LAMC1: variants seen among roughly 807,000 people sequenced by gnomAD.
The protein encoded by LAMC1 is laminin subunit gamma 1, also known as laminin subunit gamma-1.
In LAMC1, 38 loss-of-function variants were observed where a neutral mutation model predicts 173.6. The observed-to-expected ratio is 0.22, with a 90% CI of 0.17 to 0.29. LAMC1 has a LOEUF of 0.29. LAMC1 is among the 10% of genes least tolerant of loss of function. LAMC1 has a pLI of 1.00. For missense variants in LAMC1, 1,824 were observed against 2,051.8 expected, an observed-to-expected ratio of 0.89 and a Z score of 2.14; for synonymous variants, 746 against 749.1, an observed-to-expected ratio of 1.00 and a Z score of 0.07.
chr1:183,127,522 A>G, intron 17 of LAMC1, 118 bp downstream of exon 17: 3 of 846,964 alleles, frequency 3.5e-6, no homozygotes, highest in Non-Finnish European at 5.5e-6. Flanking sequence ...CTGTTCTTAA[A>G]GACTTATGTT....
chr1:183,121,645 C>A, intron 11 of LAMC1, 78 bp from the exon 12 acceptor site: 1 of 1,304,038 alleles, frequency 7.7e-7, no homozygotes, highest in Non-Finnish European at 1.0e-6. Flanking sequence ...GGTCTAGTTA[C>A]TTTTTAGTGT....
chr1:183,114,957 C>T (rs1280658642), intron 5 of LAMC1, among the ~76,000 whole-genome samples: 1 of 152,130 alleles, frequency 6.6e-6, no homozygotes, highest in Non-Finnish European at 1.5e-5. Flanking sequence ...AATGGTTCTG[C>T]AAATAATTAG....
chr1:183,026,022 T>C (rs905968385), intron 1 of LAMC1, among the ~76,000 whole-genome samples: 8 of 152,222 alleles, frequency 5.3e-5, no homozygotes, highest in African/African-American at 1.4e-4. Context: ...GAGGCAGATA[T>C]GTTAACTTTG....
chr1:183,058,089 T>A lies in LAMC1; in HGVS notation c.418+33955T>A, dbSNP rs370021725. Among the ~76,000 whole-genome samples the A allele has an allele frequency of 2.6e-5, 4 of 152,306 alleles. No individual in the cohort carries two copies. In the South Asian group the frequency reaches 8.3e-4, roughly 32 times the overall value. On this transcript the variant is annotated intron_variant, in intron 1 of 27. Transcript: ENST00000258341. ...CTAAAAAGAGGTTCTCTTTCATATT[T>A]ATTTTTTGTCTATGATGTAGTTTTC... is the stretch of plus-strand genomic sequence containing the variant.
intron 4 of LAMC1, among the ~76,000 whole-genome samples, chr1:183,112,597 C>T (rs982481311): frequency 6.6e-6 from 1 of 152,050 alleles, no homozygotes; most frequent in South Asian, 2.1e-4. Context: ...TACCTTCTCT[C>T]AAGGAGGGAG....
At position 183,110,526 on chromosome 1, in the gene LAMC1, A is replaced by G. The variant is rs147529221; in HGVS notation, c.893A>G (p.Asn298Ser). 9.9e-6 allele frequency: 16 copies of G among 1,613,726 alleles called. 1 individual carries two copies. In the African/African-American group the frequency reaches 1.2e-4, roughly 12 times the overall value. The change falls in exon 4 of 28, where the codon AAC (asparagine) becomes AGC (serine). Residue 298 changes from asparagine to serine, a missense_variant. Asn to Ser is a conservative substitution (Grantham distance 46). Coordinates refer to ENST00000258341, the MANE Select transcript of LAMC1 (RefSeq NM_002293.4). ...GGACACGCAAGCGAGTGTATGAAGA[A>G]CGAATTTGATAAGCTGGTGTGTAAT... ...CNGHASECMK[N>S]EFDKLVCNCK...
intron 1 of LAMC1, among the ~76,000 whole-genome samples, chr1:183,027,854 G>C (rs1653730782): frequency 6.6e-6 from 1 of 152,158 alleles, no homozygotes; most frequent in African/African-American, 2.4e-5. Context: ...GGTGGGTTCT[G>C]ACTATGTCAG....
At chr1:183,083,619 T>C (rs1571429321) in intron 1 of LAMC1, among the ~76,000 whole-genome samples, 2 of 152,240 alleles carry the variant, frequency 1.3e-5, no homozygotes, top group East Asian at 3.8e-4. Context: ...TTTAGAAGTT[T>C]TTTAAAAAGG....
intron 16 of LAMC1, among the ~76,000 whole-genome samples, chr1:183,126,720 C>T (rs375795724): frequency 7.2e-5 from 11 of 152,256 alleles, no homozygotes; most frequent in African/African-American, 2.7e-4. Context: ...GGCATAAACA[C>T]TTGCCTGGAA....
rs1395821472 is a variant in LAMC1 at position 183,023,972 on chromosome 1, A to G, written c.256A>G (p.Thr86Ala). 1 of 1,613,244 alleles carries G rather than the reference A, an allele frequency of 6.2e-7. No individual in the cohort carries two copies. Among genetic ancestry groups the G allele is most frequent in the Non-Finnish European group, 8.5e-7 (1 of 1,179,952 alleles). ...TGTGCAGACCGGGGTGACCGGGGTCACCAAGTCCTGTCACCTGTGCGACGC... is the reference window on the plus strand; with the variant it reads ...TGTGCAGACCGGGGTGACCGGGGTCGCCAAGTCCTGTCACCTGTGCGACGC... The part of the protein sequence containing the change: ...YCVQTGVTGV[T>A]KSCHLCDAGQ... Residue 86 changes from threonine (T) to alanine (A), a missense_variant, in exon 1 of 28, where the codon ACC becomes GCC. Thr to Ala is a moderately conservative substitution (Grantham distance 58, BLOSUM62 0). Coordinates refer to ENST00000258341, the MANE Select transcript of LAMC1 (RefSeq NM_002293.4).
At position 183,024,199 on chromosome 1, in the gene LAMC1, G is replaced by GTC. The variant is rs1479352757; in HGVS notation, c.418+66_418+67dup. The GTC allele has an allele frequency of 6.9e-6, 10 of 1,452,554 alleles. 1 individual carries two copies. In the Admixed American group the frequency reaches 2.4e-4, roughly 34 times the overall value. The allele number at this position is 1,452,554 out of a possible 1,614,324, so 90.0% of individuals were successfully genotyped here. A position where few individuals can be genotyped will look rare whatever the true frequency, so the allele number is the denominator to read the frequency against. ...GCAGCCCAGCTCCCGGACCGGCTCC[G>GTC]TCCCAGTGGCCGGCCTCACGGGCGC... On this transcript the variant is annotated intron_variant, in intron 1 of 27. Coordinates refer to ENST00000258341, the MANE Select transcript of LAMC1 (RefSeq NM_002293.4).
chr1:183,132,558 G>A (rs367722299), intron 21 of LAMC1, 21 bp downstream of exon 21: 1 of 1,599,580 alleles, frequency 6.3e-7, no homozygotes. Flanking sequence ...TTTGAAAGTG[G>A]TTTACACCCC....
chr1:183,132,302 A>G, intron 20 of LAMC1, 98 bp from the exon 21 acceptor site: 1 of 748,720 alleles, frequency 1.3e-6, no homozygotes, highest in Non-Finnish European at 2.1e-6. Context: ...AAATAATAAT[A>G]ATAATAATAA....
intron 25 of LAMC1, among the ~76,000 whole-genome samples, chr1:183,137,190 G>A (rs1389511885): frequency 2.0e-5 from 3 of 152,136 alleles, no homozygotes; most frequent in African/African-American, 4.8e-5. Flanking sequence ...AGAACAGTTG[G>A]CTTTTGGATT....
intron 1 of LAMC1, among the ~76,000 whole-genome samples, chr1:183,067,525 G>A (rs573919897): frequency 6.6e-6 from 1 of 152,114 alleles, no homozygotes; most frequent in Non-Finnish European, 1.5e-5. Context: ...GTCTCGCTCT[G>A]TCACCCAGGC....
At chr1:183,108,932 G>A (rs1222866701) in intron 3 of LAMC1, among the ~76,000 whole-genome samples, 1 of 152,218 alleles carries the variant, frequency 6.6e-6, no homozygotes, top group East Asian at 1.9e-4. Flanking sequence ...GCTGGGTCTT[G>A]AAAGCTTTGG....
intron 5 of LAMC1, 121 bp from the exon 6 acceptor site, chr1:183,115,399 G>A (rs766139377): frequency 1.1e-5 from 8 of 706,804 alleles, no homozygotes; most frequent in Non-Finnish European, 2.0e-5. Context: ...GTGACCATCA[G>A]GAGATTGCAT....
At chr1:183,081,610 A>T (rs1048500294) in intron 1 of LAMC1, among the ~76,000 whole-genome samples, 1 of 151,914 alleles carries the variant, frequency 6.6e-6, no homozygotes, top group South Asian at 2.1e-4. Flanking sequence ...ATAAATCTTT[A>T]GAGTGTTTTT....
At position 183,130,222 on chromosome 1, in the gene LAMC1, G is replaced by A. The variant is rs536361971; in HGVS notation, c.3281-122G>A. Reference sequence around the variant, plus strand: ...TGTCCAGCTATGGCAGGGGCTTTGTGGAAACCTGGCAGAAAGTTGCGATGT... The same window carrying A: ...TGTCCAGCTATGGCAGGGGCTTTGTAGAAACCTGGCAGAAAGTTGCGATGT... On this transcript the variant is annotated intron_variant, in intron 18 of 27. Transcript: ENST00000258341. The A allele has an allele frequency of 2.9e-4, 235 of 817,794 alleles. 2 individuals are homozygous for A. The highest frequency in any genetic ancestry group is 8.8e-4 in the Admixed American group (38 of 43,188). 50.7% of individuals were successfully genotyped at this position (817,794 alleles called of 1,614,324 possible).
Sources: allele counts gnomAD v4.1 joint callset (sites outside exome capture counted in the v4.1 genomes callset), GRCh38; gene constraint gnomAD v4.1.1; transcripts MANE v1.5; gene names NCBI Gene and HGNC (gene_info 2026-07-23, HGNC 2026-07-21).